Variants in DYM observed in about 807,000 individuals in gnomAD.
DYM encodes dymeclin.
A neutral mutation model predicts 93.1 loss-of-function variants in DYM; 78 were observed. The observed-to-expected ratio is 0.84, with a 90% confidence interval of 0.70 to 1.01. The LOEUF is 1.01. Among genes scored for constraint, DYM ranks in the 50% least tolerant of loss-of-function variants. DYM has a pLI of 0.00. For synonymous variants in DYM, 321 were observed against 319.7 expected, an observed-to-expected ratio of 1.00 and a Z score of -0.04; for missense variants, 789 against 845.0, an observed-to-expected ratio of 0.93 and a Z score of 0.82.
At chr18:49,357,660 T>A (rs1480814406) in intron 6 of DYM, among the ~76,000 whole-genome samples, 1 of 152,192 alleles carries the variant, frequency 6.6e-6, no homozygotes, top group African/African-American at 2.4e-5. Context: ...GTTAGACCCT[T>A]ACTAATTTAC....
At chr18:49,153,044 G>A (rs1380231310) in intron 15 of DYM, among the ~76,000 whole-genome samples, 2 of 152,160 alleles carry the variant, frequency 1.3e-5, no homozygotes, top group African/African-American at 4.8e-5. Context: ...GTATAGCATG[G>A]TGACTGTAGT....
At chr18:49,302,115 G>A (rs1250942565) in intron 8 of DYM, among the ~76,000 whole-genome samples, 2 of 152,088 alleles carry the variant, frequency 1.3e-5, no homozygotes, top group Non-Finnish European at 2.9e-5. Context: ...CAATGACAAT[G>A]ATACAAAAAA....
chr18:49,067,901 G>C (rs1428076206), intron 17 of DYM, among the ~76,000 whole-genome samples: 1 of 151,934 alleles, frequency 6.6e-6, no homozygotes, highest in Admixed American at 6.6e-5. Flanking sequence ...AAACAGATCT[G>C]AGATGTTACT....
intron 13 of DYM, among the ~76,000 whole-genome samples, chr18:49,250,903 G>A (rs1395594869): frequency 6.6e-6 from 1 of 152,190 alleles, no homozygotes; most frequent in Non-Finnish European, 1.5e-5. Context: ...CAAAGGGCAG[G>A]GCCCAGACTA....
intron 17 of DYM, among the ~76,000 whole-genome samples, chr18:49,065,941 A>G (rs2076354525): frequency 6.6e-6 from 1 of 152,068 alleles, no homozygotes; most frequent in African/African-American, 2.4e-5. Flanking sequence ...CTTCATTGGA[A>G]TCCCTTTAAC....
intron 3 of DYM, among the ~76,000 whole-genome samples, chr18:49,386,945 CTTT>C (rs575238087): frequency 3.6e-5 from 5 of 138,348 alleles, no homozygotes; most frequent in Non-Finnish European, 3.2e-5. Context: ...TATTTATTTA[CTTT>C]TTTTTTTTTT....
intron 14 of DYM, among the ~76,000 whole-genome samples, chr18:49,207,915 G>T (rs2092599613): frequency 6.6e-6 from 1 of 152,102 alleles, no homozygotes; most frequent in Non-Finnish European, 1.5e-5. Context: ...GGGTGTAGTG[G>T]CTCACACCTG....
intron 2 of DYM, among the ~76,000 whole-genome samples, chr18:49,405,787 T>C (rs774898111): frequency 7.2e-5 from 11 of 152,206 alleles, no homozygotes; most frequent in Non-Finnish European, 1.2e-4. Context: ...TTCATAAGAA[T>C]AGTATTGTAT....
intron 17 of DYM, among the ~76,000 whole-genome samples, chr18:49,058,060 C>T (rs1031019118): frequency 4.6e-5 from 7 of 152,182 alleles, no homozygotes; most frequent in Non-Finnish European, 8.8e-5. Flanking sequence ...CCAAGCAGTC[C>T]CAGAGAAGGG....
At chr18:49,436,204 G>A (rs972339558) in intron 1 of DYM, among the ~76,000 whole-genome samples, 11 of 152,028 alleles carry the variant, frequency 7.2e-5, no homozygotes, top group African/African-American at 2.7e-4. Flanking sequence ...TTATAGAGAT[G>A]GGCGTCTTGC....
intron 15 of DYM, among the ~76,000 whole-genome samples, chr18:49,141,337 G>C (rs1182207259): frequency 1.3e-5 from 2 of 152,076 alleles, no homozygotes; most frequent in Non-Finnish European, 2.9e-5. Context: ...GGTTACTCTA[G>C]TGCCCAAAAT....
chr18:49,094,042 T>C (rs1333789782), intron 17 of DYM, among the ~76,000 whole-genome samples: 1 of 152,180 alleles, frequency 6.6e-6, no homozygotes, highest in Non-Finnish European at 1.5e-5. Flanking sequence ...CAATAACATA[T>C]TATTCCACAC....
intron 8 of DYM, among the ~76,000 whole-genome samples, chr18:49,306,149 C>T (rs565526982): frequency 6.6e-6 from 1 of 152,004 alleles, no homozygotes; most frequent in Non-Finnish European, 1.5e-5. Context: ...TTCTAGGAGA[C>T]CAAGATACAT....
chr18:49,241,055 C>G (rs1187909546), intron 13 of DYM, among the ~76,000 whole-genome samples: 1 of 152,142 alleles, frequency 6.6e-6, no homozygotes, highest in African/African-American at 2.4e-5. Context: ...CTATTGTACC[C>G]TTGATGCAAA....
rs1347382133 is a variant in DYM, at chr18:49,038,261, TG to T, written c.*5793del. The stretch of plus-strand genomic sequence containing the variant: ...CTTAAATCTTTTATAACTTGATTTT[TG>T]TATGCTAGTTTTTCTACCAATTAAC... On this transcript the variant is annotated 3_prime_UTR_variant, in exon 18 of 18. Transcript: ENST00000675505. 6.6e-6 allele frequency among the ~76,000 whole-genome samples: 1 copy of T among 152,256 alleles called. No individual in the cohort carries two copies. Among genetic ancestry groups the T allele is most frequent in the Non-Finnish European group, 1.5e-5 (1 of 68,044 alleles).
intron 15 of DYM, among the ~76,000 whole-genome samples, chr18:49,136,429 T>C (rs1003299473): frequency 1.3e-5 from 2 of 152,204 alleles, no homozygotes; most frequent in Non-Finnish European, 2.9e-5. Flanking sequence ...TATTTTTGTG[T>C]TTTTATAATG....
intron 8 of DYM, among the ~76,000 whole-genome samples, chr18:49,323,511 A>G (rs1307261381): frequency 6.6e-6 from 1 of 152,210 alleles, no homozygotes; most frequent in African/African-American, 2.4e-5. Context: ...GAAGGTGATT[A>G]GGCTTAGATG....
chr18:49,266,825 T>G (rs1806197834), intron 11 of DYM, among the ~76,000 whole-genome samples: 1 of 152,238 alleles, frequency 6.6e-6, no homozygotes, highest in African/African-American at 2.4e-5. Context: ...ATACATTTTT[T>G]TCTTTCTAGC....
intron 13 of DYM, among the ~76,000 whole-genome samples, chr18:49,218,359 T>C (rs1453259896): frequency 1.3e-5 from 2 of 152,100 alleles, no homozygotes; most frequent in Non-Finnish European, 2.9e-5. Flanking sequence ...AACAGAAAGT[T>C]AACAAGGATA....
Sources: gnomAD v4.1 joint callset for allele counts (sites outside exome capture counted in the v4.1 genomes callset) on GRCh38, gnomAD v4.1.1 for gene constraint, MANE v1.5 for transcripts, NCBI Gene and HGNC (gene_info 2026-07-23, HGNC 2026-07-21) for gene names.